The following ERBB4 variants were observed in gnomAD, a reference collection of about 807,000 sequenced individuals.
The protein encoded by ERBB4 is erb-b2 receptor tyrosine kinase 4, also known as receptor tyrosine-protein kinase erbB-4.
ERBB4 carries 42 observed loss-of-function variants against 158.0 expected under a neutral mutation model. The observed-to-expected ratio is 0.27, with a 90% CI of 0.21 to 0.34. The LOEUF (loss-of-function observed/expected upper bound fraction) is 0.34, where lower values mean the gene tolerates loss of function less well. Ranked by LOEUF, ERBB4 falls within the 10% of genes least tolerant of loss-of-function variation. ERBB4 has a pLI of 1.00. For missense variants in ERBB4, 1,333 were observed against 1,624.1 expected, an observed-to-expected ratio of 0.82 and a Z score of 3.08; for synonymous variants, 583 against 558.7, an observed-to-expected ratio of 1.04 and a Z score of -0.61.
At chr2:211,659,955 G>T (rs918242309) in intron 15 of ERBB4, among the ~76,000 whole-genome samples, 6 of 152,178 alleles carry the variant, frequency 3.9e-5, no homozygotes, top group African/African-American at 1.4e-4. Flanking sequence ...GGGGAGGTAA[G>T]AAGCTGAAAT....
chr2:212,233,911 C>T (rs2083752727), intron 1 of ERBB4, among the ~76,000 whole-genome samples: 1 of 151,150 alleles, frequency 6.6e-6, no homozygotes. Context: ...AGAGTTCTGT[C>T]CTAAATTAAC....
At chr2:212,311,390 T>G (rs1195706191) in intron 1 of ERBB4, among the ~76,000 whole-genome samples, 2 of 150,318 alleles carry the variant, frequency 1.3e-5, no homozygotes, top group African/African-American at 4.9e-5. Context: ...TGAGGGAGAA[T>G]CCCATCAACT....
intron 20 of ERBB4, among the ~76,000 whole-genome samples, chr2:211,464,581 A>G (rs1440844884): frequency 2.0e-5 from 3 of 152,124 alleles, no homozygotes; most frequent in Non-Finnish European, 4.4e-5. Flanking sequence ...TCATTTGAGG[A>G]TTCAATTTAA....
intron 20 of ERBB4, among the ~76,000 whole-genome samples, chr2:211,503,017 T>C (rs2065654862): frequency 6.6e-6 from 1 of 152,094 alleles, no homozygotes; most frequent in Non-Finnish European, 1.5e-5. Flanking sequence ...GGCTACTTGC[T>C]TGGCCTCACT....
At chr2:212,441,214 C>G (rs147942292) in intron 1 of ERBB4, among the ~76,000 whole-genome samples, 4 of 152,302 alleles carry the variant, frequency 2.6e-5, no homozygotes, top group Non-Finnish European at 5.9e-5. Flanking sequence ...TCAAAAGGAA[C>G]AGCTTCCCCA....
At chr2:211,525,772 T>G (rs2066330344) in intron 20 of ERBB4, among the ~76,000 whole-genome samples, 1 of 151,992 alleles carries the variant, frequency 6.6e-6, no homozygotes, top group African/African-American at 2.4e-5. Flanking sequence ...CCGAAGAGCT[T>G]TGGGGCCTTA....
intron 3 of ERBB4, among the ~76,000 whole-genome samples, chr2:211,902,639 A>C (rs73073349): frequency 0.15 from 22,998 of 151,640 alleles, 2,212 homozygotes; most frequent in African/African-American, 0.27. Context: ...CTGGGCAAAT[A>C]AAGTATTGAG....
chr2:212,283,679 CT>C (rs2085845904), intron 1 of ERBB4, among the ~76,000 whole-genome samples: 1 of 151,878 alleles, frequency 6.6e-6, no homozygotes. Flanking sequence ...GCCTTTACTA[CT>C]TTGAATATCA....
chr2:212,390,744 G>T (rs761390409), intron 1 of ERBB4, among the ~76,000 whole-genome samples: 1 of 151,588 alleles, frequency 6.6e-6, no homozygotes, highest in African/African-American at 2.4e-5. Context: ...TATTGGTGCC[G>T]GATATCTTCC....
intron 2 of ERBB4, among the ~76,000 whole-genome samples, chr2:212,006,754 A>G (rs1195418687): frequency 6.6e-6 from 1 of 152,026 alleles, no homozygotes; most frequent in East Asian, 1.9e-4. Context: ...TACTATCACT[A>G]TCTTGTGACA....
intron 4 of ERBB4, among the ~76,000 whole-genome samples, chr2:211,754,446 G>A (rs1265881478): frequency 2.1e-5 from 3 of 142,522 alleles, no homozygotes. Context: ...CTGTTGCACA[G>A]GCTGGAGTGC....
At chr2:211,495,583 G>A (rs527931033) in intron 20 of ERBB4, among the ~76,000 whole-genome samples, 85 of 151,980 alleles carry the variant, frequency 5.6e-4, no homozygotes, top group African/African-American at 2.0e-3. Flanking sequence ...TCACTGTTAC[G>A]CCTTGTCTGA....
chr2:212,511,288 G>A (rs1691505498), intron 1 of ERBB4, among the ~76,000 whole-genome samples: 1 of 152,034 alleles, frequency 6.6e-6, no homozygotes, highest in South Asian at 2.1e-4. Context: ...GAAACATTTT[G>A]TGGGCACAAA....
At chr2:211,641,293 T>C (rs2070576236) in intron 16 of ERBB4, among the ~76,000 whole-genome samples, 1 of 152,172 alleles carries the variant, frequency 6.6e-6, no homozygotes, top group Non-Finnish European at 1.5e-5. Flanking sequence ...GTTTTGCTGA[T>C]AGACTATATC....
intron 25 of ERBB4, among the ~76,000 whole-genome samples, chr2:211,395,863 T>A (rs2062904976): frequency 6.6e-6 from 1 of 152,078 alleles, no homozygotes; most frequent in Non-Finnish European, 1.5e-5. Context: ...GTTGATATAC[T>A]TTTACCTTCA....
chr2:211,878,276 T>C (rs1004183082), intron 3 of ERBB4, among the ~76,000 whole-genome samples: 2 of 152,186 alleles, frequency 1.3e-5, no homozygotes, highest in African/African-American at 2.4e-5. Context: ...ATAACCATTT[T>C]CCATTGTCCT....
intron 17 of ERBB4, among the ~76,000 whole-genome samples, chr2:211,627,150 G>T (rs984582056): frequency 2.0e-5 from 3 of 152,042 alleles, no homozygotes; most frequent in Non-Finnish European, 4.4e-5. Context: ...GCTATTCCAA[G>T]CTTTCCTTTC....
At chr2:212,087,093 A>G (rs1367776416) in intron 2 of ERBB4, among the ~76,000 whole-genome samples, 1 of 151,922 alleles carries the variant, frequency 6.6e-6, no homozygotes, top group Non-Finnish European at 1.5e-5. Context: ...TCATCTGTTG[A>G]TTGTTATGAT....
intron 1 of ERBB4, among the ~76,000 whole-genome samples, chr2:212,442,764 G>A (rs2092280722): frequency 6.6e-6 from 1 of 152,114 alleles, no homozygotes. Flanking sequence ...TGGTGGGAAA[G>A]GCCAAATGGA....
Sources: allele counts gnomAD v4.1 joint callset (sites outside exome capture counted in the v4.1 genomes callset), GRCh38; gene constraint gnomAD v4.1.1; transcripts MANE v1.5; gene names NCBI Gene and HGNC (gene_info 2026-07-23, HGNC 2026-07-21).